The following PRKAA2 variants were observed in gnomAD, a reference collection of about 807,000 sequenced individuals.
The protein encoded by PRKAA2 is 5'-AMP-activated protein kinase catalytic subunit alpha-2.
Under a neutral mutation model 56.3 loss-of-function variants are expected in PRKAA2, and 40 were observed. The ratio of observed to expected loss-of-function variants is 0.71; its 90% CI spans 0.55 to 0.92. PRKAA2 has a LOEUF of 0.92. Among genes scored for constraint, PRKAA2 ranks in the 40% least tolerant of loss-of-function variants. The pLI is 0.00. For missense variants in PRKAA2, 542 were observed against 686.9 expected, an observed-to-expected ratio of 0.79 and a Z score of 2.36; for synonymous variants, 214 against 234.2, an observed-to-expected ratio of 0.91 and a Z score of 0.79.
chr1:56,675,827 T>C (rs1644109120), intron 2 of PRKAA2, among the ~76,000 whole-genome samples: 1 of 152,146 alleles, frequency 6.6e-6, no homozygotes, highest in South Asian at 2.1e-4. Context: ...TAACAGTGTT[T>C]TATAACAACC....
At chr1:56,680,898 G>A (rs1644148998) in intron 2 of PRKAA2, among the ~76,000 whole-genome samples, 1 of 152,178 alleles carries the variant, frequency 6.6e-6, no homozygotes, top group Non-Finnish European at 1.5e-5. Context: ...GGGTCAAATG[G>A]TATTTCTAGT....
intron 2 of PRKAA2, among the ~76,000 whole-genome samples, chr1:56,685,887 A>G (rs930476884): frequency 6.6e-6 from 1 of 152,200 alleles, no homozygotes; most frequent in Non-Finnish European, 1.5e-5. Flanking sequence ...GTATCAATAA[A>G]TCTTCTGATT....
At chr1:56,654,218 A>G (rs1162129278) in intron 1 of PRKAA2, among the ~76,000 whole-genome samples, 2 of 152,096 alleles carry the variant, frequency 1.3e-5, no homozygotes, top group African/African-American at 4.8e-5. Flanking sequence ...TCCCTTTTTC[A>G]TGCTGACACA....
intron 1 of PRKAA2, among the ~76,000 whole-genome samples, chr1:56,672,691 T>C (rs1373229575): frequency 6.6e-6 from 1 of 152,150 alleles, no homozygotes; most frequent in Non-Finnish European, 1.5e-5. Context: ...GTATGGTGTC[T>C]GATGAAATAG....
At chr1:56,685,848 G>T (rs1162815914) in intron 2 of PRKAA2, among the ~76,000 whole-genome samples, 5 of 152,156 alleles carry the variant, frequency 3.3e-5, no homozygotes. Flanking sequence ...AGAGACAAAT[G>T]AGCCAATTAC....
intron 1 of PRKAA2, among the ~76,000 whole-genome samples, chr1:56,667,606 A>G (rs1490552276): frequency 1.3e-5 from 2 of 152,334 alleles, no homozygotes; most frequent in African/African-American, 2.4e-5. Context: ...GATTTTGTCC[A>G]TTACTAGTCA....
At chr1:56,672,523 TA>T (rs1295231044) in intron 1 of PRKAA2, among the ~76,000 whole-genome samples, 2 of 152,108 alleles carry the variant, frequency 1.3e-5, no homozygotes, top group Admixed American at 1.3e-4. Flanking sequence ...GGGTGATAAT[TA>T]AAACTATGGG....
chr1:56,673,790 A>T (rs1322059576), intron 1 of PRKAA2, among the ~76,000 whole-genome samples: 2 of 152,208 alleles, frequency 1.3e-5, no homozygotes, highest in African/African-American at 4.8e-5. Context: ...CACAAATGCA[A>T]ATGTTTATAA....
In PRKAA2 at chr1:56,709,078, T is replaced by C. The variant is rs1401592288; in HGVS notation, c.*1365T>C. On this transcript the variant is annotated 3_prime_UTR_variant, in exon 9 of 9. Transcript: ENST00000371244. ...TAAATTCTGTGTAATTTATCTAATT[T>C]GTATTTATTCATTTGTTATTTTTAT... 1 of 152,186 alleles carries C rather than the reference T, an allele frequency of 6.6e-6. No individual in the cohort carries two copies. Among genetic ancestry groups the C allele is most frequent in the African/African-American group, 2.4e-5 (1 of 41,466 alleles). The allele number at this position is 152,186 out of a possible 1,614,324, so 9.4% of individuals were successfully genotyped here. A position where few individuals can be genotyped will look rare whatever the true frequency, so the allele number is the denominator to read the frequency against.
rs1349907077 is a variant in PRKAA2, at chr1:56,708,693, A to C, written c.*980A>C. 6.6e-6 allele frequency: 1 copy of C among 152,068 alleles called. No homozygotes were observed. Among genetic ancestry groups the C allele is most frequent in the Non-Finnish European group, 1.5e-5 (1 of 68,014 alleles). 9.4% of individuals were successfully genotyped at this position (152,068 alleles called of 1,614,324 possible). Reference sequence around the variant, plus strand: ...TTCTTCATTGGAAGCCACTCCCTTCACCTCACCTCACCTAGTCACTATTGT... The same window carrying C: ...TTCTTCATTGGAAGCCACTCCCTTCCCCTCACCTCACCTAGTCACTATTGT... On this transcript the variant is annotated 3_prime_UTR_variant, in exon 9 of 9. Coordinates refer to ENST00000371244, the MANE Select transcript of PRKAA2 (RefSeq NM_006252.4).
intron 7 of PRKAA2, 28 bp from the exon 8 acceptor site, chr1:56,706,064 T>C (rs1213475012): frequency 1.9e-6 from 3 of 1,571,754 alleles, no homozygotes; most frequent in Admixed American, 1.8e-5. Flanking sequence ...TTTTGTAGTT[T>C]ATTATTTTTA....
intron 2 of PRKAA2, among the ~76,000 whole-genome samples, chr1:56,686,768 T>C (rs1644193899): frequency 6.6e-6 from 1 of 152,130 alleles, no homozygotes; most frequent in Admixed American, 6.5e-5. Context: ...CCAGTCCCCA[T>C]GTTCAACATT....
chr1:56,696,390 A>G (rs1644259281), intron 6 of PRKAA2, among the ~76,000 whole-genome samples: 1 of 151,716 alleles, frequency 6.6e-6, no homozygotes, highest in African/African-American at 2.4e-5. Flanking sequence ...TTCTTTTTTG[A>G]CCTGATAGAC....
chr1:56,682,632 T>A (rs1356160781), intron 2 of PRKAA2, among the ~76,000 whole-genome samples: 1 of 152,110 alleles, frequency 6.6e-6, no homozygotes, highest in Admixed American at 6.6e-5. Context: ...ATAGGAACTT[T>A]TGGAGAGTTG....
intron 1 of PRKAA2, among the ~76,000 whole-genome samples, chr1:56,657,642 C>T (rs930482732): frequency 6.6e-6 from 1 of 152,058 alleles, no homozygotes; most frequent in Non-Finnish European, 1.5e-5. Context: ...TGCCACTGCA[C>T]TCCAGCCTGG....
rs1644391014 is a variant in PRKAA2, at chr1:56,714,278, C to CAA, written c.*6566_*6567dup. 2 of 152,230 alleles carry CAA rather than the reference C, an allele frequency of 1.3e-5. No individual in the cohort carries two copies. Among genetic ancestry groups the CAA allele is most frequent in the South Asian group, 4.2e-4 (2 of 4,818 alleles). The allele number at this position is 152,230 out of a possible 1,614,324, so 9.4% of individuals were successfully genotyped here. A position where few individuals can be genotyped will look rare whatever the true frequency, so the allele number is the denominator to read the frequency against. ...CTTCCTTTGGCTGCTGAAGCAGCAG[C>CAA]AAGTCACGTAACCTCATTTAGTTTT... On this transcript the variant is annotated 3_prime_UTR_variant, in exon 9 of 9. Coordinates refer to ENST00000371244, the MANE Select transcript of PRKAA2 (RefSeq NM_006252.4).
intron 6 of PRKAA2, among the ~76,000 whole-genome samples, chr1:56,701,576 A>G (rs753257869): frequency 5.3e-5 from 8 of 152,168 alleles, no homozygotes; most frequent in African/African-American, 9.7e-5. Context: ...GTAGTAGGGT[A>G]GAGCTAAATA....
At chr1:56,671,107 A>G (rs772657908) in intron 1 of PRKAA2, among the ~76,000 whole-genome samples, 3 of 152,346 alleles carry the variant, frequency 2.0e-5, no homozygotes, top group Middle Eastern at 3.4e-3. Flanking sequence ...TACACAAACA[A>G]AAGTTTATAT....
intron 1 of PRKAA2, among the ~76,000 whole-genome samples, chr1:56,654,281 C>T (rs937801405): frequency 1.3e-5 from 2 of 152,098 alleles, no homozygotes; most frequent in African/African-American, 4.8e-5. Context: ...TGTCCACTTA[C>T]CTTGTGGTCC....
Sources: allele counts gnomAD v4.1 joint callset (sites outside exome capture counted in the v4.1 genomes callset), GRCh38; gene constraint gnomAD v4.1.1; transcripts MANE v1.5; gene names NCBI Gene and HGNC (gene_info 2026-07-23, HGNC 2026-07-21).